BMP7: variants seen among roughly 807,000 people sequenced by gnomAD.
BMP7 encodes the protein osteogenic protein 1.
A neutral mutation model predicts 41.2 loss-of-function variants in BMP7; 12 were observed. The observed-to-expected ratio is 0.29, with a 90% confidence interval of 0.19 to 0.47. BMP7 has a LOEUF of 0.47. BMP7 is among the 20% of genes least tolerant of loss of function. The pLI, the probability that BMP7 is intolerant of heterozygous loss-of-function variation, is 0.99. For synonymous variants in BMP7, 248 were observed against 250.0 expected (o/e 0.99, Z 0.07); for missense variants, 467 against 606.0 (o/e 0.77, Z 2.41).
chr20:57,212,101 A>C (rs1267132278), intron 2 of BMP7, among the ~76,000 whole-genome samples: 1 of 152,220 alleles, frequency 6.6e-6, no homozygotes, highest in Admixed American at 6.5e-5. Flanking sequence ...CAAGAGGGTC[A>C]TTCAAACCCT....
At chr20:57,200,863 C>T (rs1382675415) in intron 3 of BMP7, among the ~76,000 whole-genome samples, 1 of 151,466 alleles carries the variant, frequency 6.6e-6, no homozygotes, top group African/African-American at 2.4e-5. Context: ...AAACGAAAAA[C>T]GACCTACACA....
At chr20:57,218,735 GT>G (rs1308491287) in intron 2 of BMP7, among the ~76,000 whole-genome samples, 1 of 150,946 alleles carries the variant, frequency 6.6e-6, no homozygotes, top group East Asian at 1.9e-4. Flanking sequence ...TGTTTGTTCG[GT>G]GGTAGCTGGC....
intron 3 of BMP7, among the ~76,000 whole-genome samples, chr20:57,200,392 C>G (rs1479091070): frequency 1.3e-5 from 2 of 152,214 alleles, no homozygotes; most frequent in Non-Finnish European, 2.9e-5. Flanking sequence ...CTGAGCCTTT[C>G]TCCATAACCT....
intron 2 of BMP7, among the ~76,000 whole-genome samples, chr20:57,216,930 G>T (rs1006741950): frequency 6.6e-6 from 1 of 152,148 alleles, no homozygotes; most frequent in African/African-American, 2.4e-5. Flanking sequence ...CATCTGCAGA[G>T]AAAAGACTCA....
rs542348754 is a variant in BMP7 at position 57,197,814 on chromosome 20, C to T, written c.760+4661G>A. Among the ~76,000 whole-genome samples, 26 of 152,278 alleles carry T rather than the reference C, an allele frequency of 1.7e-4. No individual in the cohort carries two copies. In the South Asian group the frequency reaches 4.8e-3, roughly 28 times the overall value. On this transcript the variant is annotated intron_variant, in intron 3 of 6. Transcript: ENST00000395863. ...CATGGAACAGACAAAGGAACAAGAC[C>T]CCAAGAAGTTGGAGTAGCTGCTGAG...
At chr20:57,178,519 C>T (rs1600728079) in intron 4 of BMP7, among the ~76,000 whole-genome samples, 3 of 151,982 alleles carry the variant, frequency 2.0e-5, no homozygotes, top group Non-Finnish European at 4.4e-5. Flanking sequence ...GCCAGGGTGT[C>T]CTCAACACAG....
At chr20:57,258,184 T>G (rs1299364934) in intron 1 of BMP7, among the ~76,000 whole-genome samples, 1 of 152,044 alleles carries the variant, frequency 6.6e-6, no homozygotes, top group Non-Finnish European at 1.5e-5. Context: ...ACTTGGTGAG[T>G]CGGATTTTTC....
rs41274738 is a variant in BMP7 at position 57,228,243 on chromosome 20, C to T, written c.597G>A (p.Gln199=). 0.035 allele frequency: 55,835 copies of T among 1,613,682 alleles called. 1,066 individuals are homozygous for T. The highest frequency in any genetic ancestry group is 0.039 in the Non-Finnish European group (46,081 of 1,180,012). ...TFRISVYQVL[Q]EHLGRESDLF... is the part of the protein sequence containing the mutation. Reference sequence around the variant, plus strand: ...ATAGCACCCACCTGCCCAAGTGCTCCTGGAGCACCTGATAAACGCTGATCC... The same window carrying T: ...ATAGCACCCACCTGCCCAAGTGCTCTTGGAGCACCTGATAAACGCTGATCC... The change falls in exon 2 of 7, where the codon CAG becomes CAA. Residue 199 remains glutamine (Q), a synonymous_variant. Coordinates refer to ENST00000395863, the MANE Select transcript of BMP7 (RefSeq NM_001719.3). This position sits in a 1 kb window ranked among gnomAD's most constrained non-coding sequence, Gnocchi z 4.5.
chr20:57,179,758 C>T (rs1490372109), intron 4 of BMP7, among the ~76,000 whole-genome samples: 3 of 152,194 alleles, frequency 2.0e-5, no homozygotes, highest in Non-Finnish European at 4.4e-5. Context: ...GCCCAGGCCT[C>T]GGTATTTTTA....
chr20:57,201,903 C>T (rs1040530636), intron 3 of BMP7, among the ~76,000 whole-genome samples: 8 of 152,186 alleles, frequency 5.3e-5, no homozygotes, highest in Non-Finnish European at 1.0e-4. Flanking sequence ...AATGGATTCT[C>T]CAGGAACTGG....
At chr20:57,253,153 A>C (rs1041438801) in intron 1 of BMP7, among the ~76,000 whole-genome samples, 1 of 152,198 alleles carries the variant, frequency 6.6e-6, no homozygotes, top group Non-Finnish European at 1.5e-5. Context: ...CTGAGTAGGC[A>C]TAAGGCAAGT....
chr20:57,241,343 C>T (rs538963307), intron 1 of BMP7, among the ~76,000 whole-genome samples: 2 of 152,290 alleles, frequency 1.3e-5, no homozygotes, highest in Admixed American at 6.5e-5. Flanking sequence ...GACTCAGCTC[C>T]CTCTCAGACT....
chr20:57,210,813 G>A (rs2123099130), intron 2 of BMP7, among the ~76,000 whole-genome samples: 1 of 152,372 alleles, frequency 6.6e-6, no homozygotes, highest in African/African-American at 2.4e-5. Flanking sequence ...GGTCTTAGGA[G>A]CAGAACAGGC....
chr20:57,206,156 G>A (rs1327768041), intron 2 of BMP7, among the ~76,000 whole-genome samples: 1 of 152,216 alleles, frequency 6.6e-6, no homozygotes. Context: ...GGAGCCCTTT[G>A]TGACATTTTT....
Position 57,172,636 on chromosome 20 carries a change from T to C in BMP7, c.1146+564A>G, listed in dbSNP as rs367721746. Among the ~76,000 whole-genome samples, 305 of 109,614 alleles carry C rather than the reference T, an allele frequency of 2.8e-3. 2 individuals are homozygous for C. The highest frequency in any genetic ancestry group is 0.013 in the South Asian group (33 of 2,640). The allele number at this position is 109,614 out of a possible 152,430, so 71.9% of individuals were successfully genotyped here. A position where few individuals can be genotyped will look rare whatever the true frequency, so the allele number is the denominator to read the frequency against. On this transcript the variant is annotated intron_variant, in intron 6 of 6. Coordinates refer to ENST00000395863, the MANE Select transcript of BMP7 (RefSeq NM_001719.3). ...AAGAACAAAATCCCTACAGCTCTTA[T>C]CACTATGGTTGCTGTTGGCAGAGCA...
intron 2 of BMP7, chr20:57,226,078 G>A (rs906857321): frequency 7.6e-5 from 31 of 407,358 alleles, no homozygotes; most frequent in African/African-American, 5.5e-4. Flanking sequence ...CAGGGAGGAC[G>A]CCTGGAACGC....
In BMP7 at chr20:57,261,065, C is replaced by T. The variant is rs941119100; in HGVS notation, c.418+4640G>A. Among the ~76,000 whole-genome samples, 4 of 152,164 alleles carry T rather than the reference C, an allele frequency of 2.6e-5. 1 individual carries two copies. Among genetic ancestry groups the T allele is most frequent in the South Asian group, 4.2e-4 (2 of 4,816 alleles). ...TAAAGTGATAGGAGTGATCAATCAA[C>T]TTAGATGGGACTCTCCCTGGAATGA... is the stretch of plus-strand genomic sequence containing the variant. On this transcript the variant is annotated intron_variant, in intron 1 of 6. Transcript: ENST00000395863. The surrounding 1 kb of genome is among the most constrained non-coding windows in gnomAD (Gnocchi z 4.1).
At chr20:57,233,827 G>A (rs941963199) in intron 1 of BMP7, among the ~76,000 whole-genome samples, 9 of 151,940 alleles carry the variant, frequency 5.9e-5, no homozygotes, top group Non-Finnish European at 8.8e-5. Context: ...CAGAGCCGTG[G>A]GACAGTATTT....
Position 57,259,789 on chromosome 20 carries a change from G to A in BMP7, c.418+5916C>T, listed in dbSNP as rs888498130. Among the ~76,000 whole-genome samples, 1 of 151,876 alleles carries A rather than the reference G, an allele frequency of 6.6e-6. No homozygotes were observed. The highest frequency in any genetic ancestry group is 1.9e-4 in the East Asian group (1 of 5,192). ...ATCATAAACACTCTACTTTGGAGCG[G>A]AAAAAAATACACAGCAGCAGTCCTA... is the stretch of plus-strand genomic sequence containing the variant. On this transcript the variant is annotated intron_variant, in intron 1 of 6. Transcript: ENST00000395863. This position sits in a 1 kb window ranked among gnomAD's most constrained non-coding sequence, Gnocchi z 4.7.
Sources: allele counts gnomAD v4.1 joint callset (sites outside exome capture counted in the v4.1 genomes callset), GRCh38; gene constraint gnomAD v4.1.1; non-coding constraint Gnocchi (gnomAD v3.1); transcripts MANE v1.5; gene names NCBI Gene and HGNC (gene_info 2026-07-23, HGNC 2026-07-21).